The following TXLNB variants were observed in gnomAD, a reference collection of about 807,000 sequenced individuals.
The protein encoded by TXLNB is taxilin beta, also known as beta-taxilin.
TXLNB carries 37 observed loss-of-function variants against 57.4 expected under a neutral mutation model. That is an observed-to-expected ratio of 0.64 (90% confidence interval 0.50 to 0.85). The LOEUF (loss-of-function observed/expected upper bound fraction) is 0.85. Ranked by LOEUF, TXLNB falls within the 40% of genes least tolerant of loss-of-function variation. The probability of loss-of-function intolerance (pLI) is 0.00; values close to 1 mark genes in which losing one functional copy is unlikely to be tolerated. For missense variants in TXLNB, 848 were observed against 825.6 expected, an observed-to-expected ratio of 1.03 and a Z score of -0.33; for synonymous variants, 302 against 309.6, an observed-to-expected ratio of 0.98 and a Z score of 0.26.
At chr6:139,250,843 A>T (rs754287624) in intron 7 of TXLNB, among the ~76,000 whole-genome samples, 9 of 152,154 alleles carry the variant, frequency 5.9e-5, no homozygotes, top group Non-Finnish European at 1.0e-4. Flanking sequence ...CAGCCTCAAC[A>T]TGAGCTAACA....
chr6:139,270,772 A>C, intron 3 of TXLNB, 146 bp from the exon 4 acceptor site: 1 of 687,290 alleles, frequency 1.5e-6, no homozygotes, highest in Non-Finnish European at 2.5e-6. Flanking sequence ...AATGAAATTC[A>C]CAAACGTCAC....
chr6:139,286,617 CAGG>C (rs1205222231), intron 2 of TXLNB, among the ~76,000 whole-genome samples: 12 of 152,184 alleles, frequency 7.9e-5, no homozygotes, highest in African/African-American at 2.2e-4. Context: ...GGCTGCACGG[CAGG>C]AGATGAGTGG....
At chr6:139,188,362 CG>C in the TXLNB span, among the ~76,000 whole-genome samples, 1 of 152,118 alleles carries the variant, frequency 6.6e-6, no homozygotes, top group Admixed American at 6.6e-5. Context: ...TTGTGACAGC[CG>C]TATTTGTTTT....
the TXLNB span, among the ~76,000 whole-genome samples, chr6:139,172,627 C>T: frequency 6.6e-6 from 1 of 152,184 alleles, no homozygotes; most frequent in East Asian, 1.9e-4. Context: ...TCAAAATTCT[C>T]TGTGGTCAGG....
chr6:139,166,620 A>G, the TXLNB span: 1 of 1,614,248 alleles, frequency 6.2e-7, no homozygotes, highest in Non-Finnish European at 8.5e-7. Context: ...GAGAAAAAGA[A>G]GAAGTCTGGC....
chr6:139,162,514 T>G, the TXLNB span, among the ~76,000 whole-genome samples: 1 of 152,216 alleles, frequency 6.6e-6, no homozygotes, highest in African/African-American at 2.4e-5. Flanking sequence ...GCAGTCTGGT[T>G]GCAGAGTCTG....
the TXLNB span, among the ~76,000 whole-genome samples, chr6:139,305,722 G>A: frequency 6.6e-6 from 1 of 152,168 alleles, no homozygotes; most frequent in Non-Finnish European, 1.5e-5. Context: ...AAGGAAGTGG[G>A]CTGAGTGATA....
At chr6:139,274,247 C>G (rs1049572126) in intron 3 of TXLNB, among the ~76,000 whole-genome samples, 8 of 152,168 alleles carry the variant, frequency 5.3e-5, no homozygotes, top group Non-Finnish European at 1.0e-4. Context: ...GATTTAGACT[C>G]TGCAAGGATG....
At chr6:139,269,854 C>T (rs576767012) in intron 4 of TXLNB, among the ~76,000 whole-genome samples, 2 of 152,266 alleles carry the variant, frequency 1.3e-5, no homozygotes, top group East Asian at 1.9e-4. Flanking sequence ...CTAGGGCTTA[C>T]GCTGTAATTA....
the TXLNB span, among the ~76,000 whole-genome samples, chr6:139,298,283 C>T: frequency 6.6e-6 from 1 of 152,204 alleles, no homozygotes; most frequent in African/African-American, 2.4e-5. Context: ...ATTACTCTTA[C>T]ATTTTTATAT....
chr6:139,181,484 G>C, the TXLNB span, among the ~76,000 whole-genome samples: 1 of 152,176 alleles, frequency 6.6e-6, no homozygotes, highest in African/African-American at 2.4e-5. Context: ...TAGTCACTTA[G>C]GAGGCTGCTA....
At chr6:139,180,562 C>T in the TXLNB span, 10 of 152,616 alleles carry the variant, frequency 6.6e-5, no homozygotes, top group South Asian at 2.1e-4. Context: ...CTGAATATTC[C>T]GGGTAATTGA....
chr6:139,287,856 A>C (rs1777211896), intron 2 of TXLNB, among the ~76,000 whole-genome samples: 1 of 142,306 alleles, frequency 7.0e-6, no homozygotes, highest in Non-Finnish European at 1.5e-5. Context: ...CTCCTATATA[A>C]TTAATTTACA....
At chr6:139,223,539 C>T in the TXLNB span, among the ~76,000 whole-genome samples, 294 of 152,084 alleles carry the variant, frequency 1.9e-3, no homozygotes, top group African/African-American at 6.7e-3. Context: ...TTTTCGCAAC[C>T]TACTCATCTG....
the TXLNB span, among the ~76,000 whole-genome samples, chr6:139,159,927 C>T: frequency 6.6e-6 from 1 of 152,114 alleles, no homozygotes; most frequent in Non-Finnish European, 1.5e-5. Flanking sequence ...ATAGCAATGT[C>T]CGGTTTATGG....
At chr6:139,265,543 A>C (rs914395780) in intron 4 of TXLNB, among the ~76,000 whole-genome samples, 8 of 152,178 alleles carry the variant, frequency 5.3e-5, no homozygotes, top group Admixed American at 4.6e-4. Context: ...CTAGTTATAC[A>C]TTGTCTTTCT....
chr6:139,189,684 A>G, the TXLNB span, among the ~76,000 whole-genome samples: 5 of 152,212 alleles, frequency 3.3e-5, no homozygotes, highest in Non-Finnish European at 7.4e-5. Flanking sequence ...CACCTCTTCA[A>G]AGACAATATT....
chr6:139,213,902 C>A, the TXLNB span, among the ~76,000 whole-genome samples: 1 of 152,106 alleles, frequency 6.6e-6, no homozygotes, highest in African/African-American at 2.4e-5. Flanking sequence ...TTCCTCGACA[C>A]ATACACTCTC....
At chr6:139,252,469 T>C (rs939534596) in intron 7 of TXLNB, among the ~76,000 whole-genome samples, 12 of 152,162 alleles carry the variant, frequency 7.9e-5, no homozygotes, top group Non-Finnish European at 1.5e-4. Flanking sequence ...TAAGTAATTA[T>C]TGGAATTTCA....
Sources: allele counts gnomAD v4.1 joint callset (sites outside exome capture counted in the v4.1 genomes callset), GRCh38; gene constraint gnomAD v4.1.1; transcripts MANE v1.5; gene names NCBI Gene and HGNC (gene_info 2026-07-23, HGNC 2026-07-21).